MYO5A: variants seen among roughly 807,000 people sequenced by gnomAD.
MYO5A encodes the protein myosin VA.
In MYO5A, 98 loss-of-function variants were observed where a neutral mutation model predicts 249.7. The observed-to-expected ratio is 0.39, with a 90% CI of 0.33 to 0.46. MYO5A has a LOEUF of 0.46. MYO5A is among the 20% of genes least tolerant of loss of function. The pLI is 0.98. For missense variants in MYO5A, 1,696 were observed against 2,308.8 expected, an observed-to-expected ratio of 0.73 and a Z score of 5.44; for synonymous variants, 778 against 810.6, an observed-to-expected ratio of 0.96 and a Z score of 0.68.
intron 18 of MYO5A, 37 bp downstream of exon 18, chr15:52,379,588 C>T: frequency 6.3e-7 from 1 of 1,582,334 alleles, no homozygotes; most frequent in Non-Finnish European, 8.7e-7. Flanking sequence ...ACCACAAGGC[C>T]TTCTGCTCAG....
chr15:52,468,090 C>A (rs2076386790), intron 1 of MYO5A, among the ~76,000 whole-genome samples: 1 of 152,168 alleles, frequency 6.6e-6, no homozygotes, highest in Admixed American at 6.5e-5. Flanking sequence ...TGGCTCATGT[C>A]TGTAATCCCA....
In MYO5A at chr15:52,425,854, T is replaced by G. The variant is rs1454640295; in HGVS notation, c.431A>C (p.Glu144Ala). Residue 144 changes from glutamate to alanine, a missense_variant, in exon 4 of 42, where the codon GAA (glutamate) becomes GCA (alanine). By Grantham distance (107) the Glu-to-Ala change is moderately radical (BLOSUM62 -1). Transcript: ENST00000399233. ...DMDPHIFAVA[E>A]EAYKQMARDE... The stretch of plus-strand genomic sequence containing the variant: ...CCTGGCCATTTGCTTGTAAGCTTCT[T>G]CAGCTACTGCAAAGATATGTGGATC... 6.2e-7 allele frequency: 1 copy of G among 1,614,104 alleles called. No homozygotes were observed. Among genetic ancestry groups the G allele is most frequent in the South Asian group, 1.1e-5 (1 of 91,086 alleles).
intron 1 of MYO5A, among the ~76,000 whole-genome samples, chr15:52,519,289 G>A (rs563538046): frequency 6.6e-6 from 1 of 152,272 alleles, no homozygotes; most frequent in South Asian, 2.1e-4. Context: ...CAGTAAGAAA[G>A]GTGACATAGG....
At position 52,316,233 on chromosome 15, in the gene MYO5A, CAAAAAAA is replaced by C. The variant is rs5812596; in HGVS notation, c.5409+808_5409+814del. ...TGGGCGACACAGCGAGACTCCGTCA[CAAAAAAA>C]AAAAAAAAAAAAAAAAAAGAAAGAA... On this transcript the variant is annotated intron_variant, in intron 40 of 41. Transcript: ENST00000399233. Among the ~76,000 whole-genome samples the C allele has an allele frequency of 4.7e-3, 283 of 60,374 alleles. No homozygotes were observed. The East Asian group carries it at 0.064, about 14-fold the overall frequency. 39.6% of individuals were successfully genotyped at this position (60,374 alleles called of 152,430 possible).
At chr15:52,435,755 A>G in intron 1 of MYO5A, 1 of 420,430 alleles carries the variant, frequency 2.4e-6, no homozygotes, top group Non-Finnish European at 4.7e-6. Context: ...AGATTATAAA[A>G]CCATTAATTA....
At chr15:52,481,536 G>A (rs1226966197) in intron 1 of MYO5A, among the ~76,000 whole-genome samples, 1 of 152,204 alleles carries the variant, frequency 6.6e-6, no homozygotes, top group African/African-American at 2.4e-5. Flanking sequence ...TGTACAAGGT[G>A]CCATGGGAGC....
intron 1 of MYO5A, among the ~76,000 whole-genome samples, chr15:52,469,272 A>G (rs1462892356): frequency 1.3e-5 from 2 of 152,226 alleles, no homozygotes; most frequent in East Asian, 3.8e-4. Context: ...ATAGCCTCCT[A>G]TTGACCAGAA....
rs2038899959 is a variant in MYO5A, at chr15:52,331,754, T to C, written c.4409-1255A>G. 13 of 985,314 alleles carry C rather than the reference T, an allele frequency of 1.3e-5. 1 individual carries two copies. The highest frequency in any genetic ancestry group is 5.2e-4 in the Middle Eastern group (1 of 1,936). The allele number at this position is 985,314 out of a possible 1,614,324, so 61.0% of individuals were successfully genotyped here. On this transcript the variant is annotated intron_variant, in intron 34 of 41. Coordinates refer to ENST00000399233, the MANE Select transcript of MYO5A (RefSeq NM_001382347.1). The stretch of plus-strand genomic sequence containing the variant: ...GCCTGGTGACACACCGTCCACCTCA[T>C]GCTGCAGCAGCACACACTGGGACTA...
chr15:52,339,683 C>T lies in MYO5A; in HGVS notation c.4239+513G>A, dbSNP rs189282799. On this transcript the variant is annotated intron_variant, in intron 32 of 41. Coordinates refer to ENST00000399233, the MANE Select transcript of MYO5A (RefSeq NM_001382347.1). The stretch of plus-strand genomic sequence containing the variant: ...TAAACCTGAATCCTAACACACACCT[C>T]CCTGACCTGGGAGCTCCATCCAACA... 5.1e-3 allele frequency among the ~76,000 whole-genome samples: 777 copies of T among 152,298 alleles called. 4 individuals carry two copies. The highest frequency in any genetic ancestry group is 0.014 in the Admixed American group (209 of 15,300).
At chr15:52,353,069 G>A (rs1381899271) in intron 27 of MYO5A, among the ~76,000 whole-genome samples, 1 of 152,160 alleles carries the variant, frequency 6.6e-6, no homozygotes, top group Non-Finnish European at 1.5e-5. Context: ...TTGCTGGGGC[G>A]CACCCTCAGA....
At chr15:52,456,979 G>GCTT (rs2076131843) in intron 1 of MYO5A, among the ~76,000 whole-genome samples, 2 of 152,164 alleles carry the variant, frequency 1.3e-5, no homozygotes, top group African/African-American at 4.8e-5. Flanking sequence ...AAACTAAAAG[G>GCTT]CTTCTACACA....
intron 1 of MYO5A, among the ~76,000 whole-genome samples, chr15:52,471,301 G>C (rs67732354): frequency 0.15 from 22,854 of 151,824 alleles, 1,826 homozygotes; most frequent in Middle Eastern, 0.22. Context: ...GCACTTTTGT[G>C]TGCATTAAAA....
At chr15:52,490,050 C>A (rs1480870864) in intron 1 of MYO5A, among the ~76,000 whole-genome samples, 1 of 152,080 alleles carries the variant, frequency 6.6e-6, no homozygotes, top group East Asian at 1.9e-4. Flanking sequence ...TACCTACTAT[C>A]AAAAAACTAG....
intron 1 of MYO5A, among the ~76,000 whole-genome samples, chr15:52,518,555 T>G (rs1313326313): frequency 1.3e-5 from 2 of 152,232 alleles, no homozygotes; most frequent in Non-Finnish European, 2.9e-5. Context: ...CCAACCATGC[T>G]GCTTATCAAA....
chr15:52,436,110 T>C (rs1372985534), intron 1 of MYO5A, among the ~76,000 whole-genome samples: 1 of 152,138 alleles, frequency 6.6e-6, no homozygotes, highest in Non-Finnish European at 1.5e-5. Flanking sequence ...GTATTTTTAG[T>C]AGAGACAGGG....
At chr15:52,384,051 T>C in intron 15 of MYO5A, 110 bp downstream of exon 15, 1 of 1,345,622 alleles carries the variant, frequency 7.4e-7, no homozygotes, top group East Asian at 2.3e-5. Context: ...GTGAAAGCTC[T>C]AGGCTCTCCT....
intron 36 of MYO5A, among the ~76,000 whole-genome samples, chr15:52,326,797 C>T (rs17613607): frequency 0.15 from 22,725 of 152,180 alleles, 1,788 homozygotes; most frequent in Middle Eastern, 0.22. Context: ...TGACTATCCA[C>T]TTATCTTTAC....
intron 8 of MYO5A, 44 bp downstream of exon 8, chr15:52,407,248 A>G: frequency 7.0e-7 from 1 of 1,427,748 alleles, no homozygotes; most frequent in Non-Finnish European, 9.9e-7. Context: ...TGCTTGAGTA[A>G]AAAAGCTATT....
chr15:52,429,924 G>C (rs890137635), intron 2 of MYO5A, among the ~76,000 whole-genome samples: 1 of 152,064 alleles, frequency 6.6e-6, no homozygotes, highest in Admixed American at 6.5e-5. Context: ...TTAAAGTCAC[G>C]GGAATACGGC....
Sources: allele counts gnomAD v4.1 joint callset (sites outside exome capture counted in the v4.1 genomes callset), GRCh38; gene constraint gnomAD v4.1.1; transcripts MANE v1.5; gene names NCBI Gene and HGNC (gene_info 2026-07-23, HGNC 2026-07-21).